Variants in DGKB observed in about 807,000 individuals in gnomAD.
The protein encoded by DGKB is diacylglycerol kinase beta, also known as 90 kDa diacylglycerol kinase.
DGKB carries 67 observed loss-of-function variants against 114.3 expected under a neutral mutation model. The observed-to-expected ratio is 0.59, with a 90% CI of 0.48 to 0.72. DGKB has a LOEUF of 0.72. DGKB is among the 30% of genes least tolerant of loss of function. The pLI is 0.00. For missense variants in DGKB, 907 were observed against 975.2 expected (o/e 0.93, Z 0.93); for synonymous variants, 398 against 323.1 (o/e 1.23, Z -2.49).
At chr7:14,783,115 C>G (rs998615035) in intron 2 of DGKB, among the ~76,000 whole-genome samples, 13 of 152,188 alleles carry the variant, frequency 8.5e-5, no homozygotes, top group African/African-American at 2.6e-4. Flanking sequence ...TTTGAAGGCT[C>G]GATCATTTCA....
chr7:14,965,631 A>G (rs1302232189), intron 1 of DGKB, among the ~76,000 whole-genome samples: 3 of 152,132 alleles, frequency 2.0e-5, no homozygotes, highest in Non-Finnish European at 4.4e-5. Flanking sequence ...TTCATAAGTA[A>G]AATTATAATT....
intron 5 of DGKB, among the ~76,000 whole-genome samples, chr7:14,722,103 T>C (rs1829268797): frequency 6.6e-6 from 1 of 152,212 alleles, no homozygotes; most frequent in Admixed American, 6.5e-5. Context: ...TTAAACTACA[T>C]TGACACCTCA....
At chr7:14,958,047 G>A (rs1786614343) in intron 1 of DGKB, among the ~76,000 whole-genome samples, 1 of 152,032 alleles carries the variant, frequency 6.6e-6, no homozygotes, top group African/African-American at 2.4e-5. Flanking sequence ...TATCTTATAT[G>A]TACAATTTAA....
rs187284346 is a variant in DGKB, at chr7:14,917,115, T to C, written c.-188+57581A>G. On this transcript the variant is annotated intron_variant, in intron 1 of 4. Transcript: ENST00000437998. ...AGAAAACAATACTTATGTCAAAATA[T>C]GTGGAACACAACAAAAGCAGGCTGA... 1.5e-3 allele frequency among the ~76,000 whole-genome samples: 227 copies of C among 152,160 alleles called. 2 individuals are homozygous for C. The highest frequency in any genetic ancestry group is 5.3e-3 in the African/African-American group (222 of 41,548).
At chr7:14,787,651 T>C (rs1422488687) in intron 2 of DGKB, among the ~76,000 whole-genome samples, 1 of 152,032 alleles carries the variant, frequency 6.6e-6, no homozygotes, top group Non-Finnish European at 1.5e-5. Context: ...GAACTAAGAG[T>C]CACCAGCTCT....
chr7:14,694,390 T>A (rs776374359), intron 8 of DGKB, among the ~76,000 whole-genome samples, 196 bp from the exon 9 acceptor site: 1 of 152,214 alleles, frequency 6.6e-6, no homozygotes, highest in Non-Finnish European at 1.5e-5. Flanking sequence ...TTAACACTGA[T>A]CACTTTTTAG....
chr7:14,305,357 A>C (rs2128495040), intron 23 of DGKB, among the ~76,000 whole-genome samples: 1 of 152,262 alleles, frequency 6.6e-6, no homozygotes, highest in South Asian at 2.1e-4. Flanking sequence ...TTTTGCTTCT[A>C]CATGTGAGTG....
intron 1 of DGKB, among the ~76,000 whole-genome samples, chr7:14,913,995 GCCC>G (rs1430478205): frequency 6.6e-6 from 1 of 152,112 alleles, no homozygotes; most frequent in East Asian, 1.9e-4. Context: ...GTTAAATGTA[GCCC>G]TACTAGGTTC....
chr7:14,612,255 A>G (rs1447529476), intron 16 of DGKB, among the ~76,000 whole-genome samples: 1 of 151,504 alleles, frequency 6.6e-6, no homozygotes, highest in East Asian at 1.9e-4. Flanking sequence ...GCTTACTGCA[A>G]CCTCCCAGGT....
intron 9 of DGKB, among the ~76,000 whole-genome samples, chr7:14,693,642 A>C (rs1349754454): frequency 6.6e-6 from 1 of 151,492 alleles, no homozygotes; most frequent in African/African-American, 2.4e-5. Flanking sequence ...ACCACTGGAG[A>C]TATTTAACTG....
At chr7:14,432,327 A>G (rs73280317) in intron 21 of DGKB, among the ~76,000 whole-genome samples, 1,690 of 152,266 alleles carry the variant, frequency 0.011, 33 homozygotes, top group African/African-American at 0.039. Context: ...GAGTAGACAT[A>G]ACCCTTCTAA....
In DGKB at chr7:14,687,996, T is replaced by C. The variant is rs950675046; in HGVS notation, c.712-2634A>G. On this transcript the variant is annotated intron_variant, in intron 9 of 25. Coordinates refer to ENST00000402815, the MANE Select transcript of DGKB (RefSeq NM_001350709.2). ...GCTTTATAGCTCTTAGCTGGATACA[T>C]TGCCAAAATATGCAAGGGATGAAAT... Among the ~76,000 whole-genome samples, 5 of 152,216 alleles carry C rather than the reference T, an allele frequency of 3.3e-5. No homozygotes were observed. In the East Asian group the frequency reaches 5.8e-4, roughly 18 times the overall value.
chr7:14,446,271 G>A (rs539995771), intron 21 of DGKB, among the ~76,000 whole-genome samples: 1 of 152,088 alleles, frequency 6.6e-6, no homozygotes, highest in African/African-American at 2.4e-5. Flanking sequence ...TCATTCAATC[G>A]AAAGTGGTTC....
chr7:14,479,645 A>T (rs929298691), intron 20 of DGKB, among the ~76,000 whole-genome samples: 10 of 152,116 alleles, frequency 6.6e-5, no homozygotes, highest in African/African-American at 2.2e-4. Context: ...TAACTCTCTA[A>T]TCTAGTCACA....
chr7:14,537,536 A>T (rs1017769987), intron 20 of DGKB, among the ~76,000 whole-genome samples: 1 of 152,188 alleles, frequency 6.6e-6, no homozygotes, highest in African/African-American at 2.4e-5. Flanking sequence ...ACAACAGAGT[A>T]AAGAGAGTAT....
chr7:14,851,749 A>G (rs907557087), intron 1 of DGKB, among the ~76,000 whole-genome samples: 2 of 152,192 alleles, frequency 1.3e-5, no homozygotes, highest in Admixed American at 1.3e-4. Flanking sequence ...AAGCTTGCCA[A>G]CATATCCAAA....
intron 2 of DGKB, among the ~76,000 whole-genome samples, chr7:14,779,442 C>T (rs1273759970): frequency 6.6e-6 from 1 of 152,008 alleles, no homozygotes; most frequent in African/African-American, 2.4e-5. Context: ...GAGGTTGAGG[C>T]TGAGGATGGC....
intron 6 of DGKB, among the ~76,000 whole-genome samples, chr7:14,702,399 C>G (rs1042333121): frequency 3.9e-5 from 6 of 152,086 alleles, no homozygotes. Context: ...GATCATGGCT[C>G]TCATGGTTTA....
chr7:14,364,216 G>T (rs1463430439), intron 21 of DGKB, among the ~76,000 whole-genome samples: 1 of 151,924 alleles, frequency 6.6e-6, no homozygotes, highest in East Asian at 1.9e-4. Context: ...AACAAGATTT[G>T]CTTTCCTCTA....
Sources: allele counts gnomAD v4.1 joint callset (sites outside exome capture counted in the v4.1 genomes callset), GRCh38; gene constraint gnomAD v4.1.1; transcripts MANE v1.5; gene names NCBI Gene and HGNC (gene_info 2026-07-23, HGNC 2026-07-21).